The following CFLAR variants were observed in gnomAD, a reference collection of about 807,000 sequenced individuals.
CFLAR encodes the protein CASP8 and FADD-like apoptosis regulator.
CFLAR carries 14 observed loss-of-function variants against 51.1 expected under a neutral mutation model. That is an observed-to-expected ratio of 0.27 (90% CI 0.18 to 0.43). CFLAR has a LOEUF of 0.43. Among genes scored for constraint, CFLAR ranks in the 20% least tolerant of loss-of-function variants. CFLAR has a pLI of 1.00. For missense variants in CFLAR, 390 were observed against 566.5 expected (o/e 0.69, Z 3.16); for synonymous variants, 210 against 211.6 (o/e 0.99, Z 0.06).
intron 8 of CFLAR, among the ~76,000 whole-genome samples, chr2:201,158,734 A>G (rs1942588827): frequency 6.6e-6 from 1 of 152,014 alleles, no homozygotes; most frequent in Non-Finnish European, 1.5e-5. Context: ...TTTTTTTTAT[A>G]AAGGGTATAC....
intron 9 of CFLAR, among the ~76,000 whole-genome samples, chr2:201,162,096 A>G (rs551952899): frequency 2.0e-5 from 3 of 150,930 alleles, no homozygotes; most frequent in African/African-American, 7.3e-5. Flanking sequence ...ATGTAGAAGT[A>G]TATCTTTTTT....
intron 5 of CFLAR, among the ~76,000 whole-genome samples, chr2:201,143,061 A>T (rs1198890454): frequency 1.3e-5 from 2 of 152,196 alleles, no homozygotes; most frequent in African/African-American, 4.8e-5. Context: ...ATTCTTAGTT[A>T]AAAAACCTGC....
At chr2:201,147,114 A>G (rs1483705872) in intron 6 of CFLAR, among the ~76,000 whole-genome samples, 1 of 152,200 alleles carries the variant, frequency 6.6e-6, no homozygotes, top group Non-Finnish European at 1.5e-5. Flanking sequence ...CCTGATGGCA[A>G]TTTTATCCTT....
At chr2:201,133,994 G>A (rs2049720074) in intron 3 of CFLAR, among the ~76,000 whole-genome samples, 1 of 81,044 alleles carries the variant, frequency 1.2e-5, no homozygotes, top group Non-Finnish European at 2.7e-5. Flanking sequence ...TCTCGGGGAT[G>A]TCATGATTGC....
At chr2:201,142,152 T>C (rs1381286698) in intron 5 of CFLAR, among the ~76,000 whole-genome samples, 1 of 152,052 alleles carries the variant, frequency 6.6e-6, no homozygotes, top group African/African-American at 2.4e-5. Flanking sequence ...GGTGTGCCTT[T>C]AGTCTCAGCT....
At chr2:201,137,345 C>A in intron 4 of CFLAR, 1 of 337,212 alleles carries the variant, frequency 3.0e-6, no homozygotes. Flanking sequence ...GCAGGGGATG[C>A]CCAGCAAGGG....
rs1463100063 is a variant in CFLAR at position 201,160,547 on chromosome 2, A to C, written c.909A>C (p.Arg303=). Residue 303 remains arginine, a synonymous_variant, in exon 9 of 10, where the codon CGA becomes CGC. Coordinates refer to ENST00000309955, the MANE Select transcript of CFLAR (RefSeq NM_003879.7). ...LGQFACMPEH[R]DYDSFVCVLV... is the part of the protein sequence containing the mutation. ...AATTTGCCTGTATGCCCGAGCACCG[A>C]GACTACGACAGCTTTGTGTGTGTCC... is the stretch of plus-strand genomic sequence containing the variant. 1.2e-6 allele frequency: 2 copies of C among 1,613,870 alleles called. No homozygotes were observed. Among genetic ancestry groups the C allele is most frequent in the Non-Finnish European group, 1.7e-6 (2 of 1,180,016 alleles).
intron 4 of CFLAR, chr2:201,139,912 C>G (rs1249686922): frequency 6.2e-6 from 1 of 161,242 alleles, no homozygotes; most frequent in Non-Finnish European, 1.4e-5. Flanking sequence ...TTCCAAGTCT[C>G]TCGTTCCACC....
rs767709813 is a variant in CFLAR, at chr2:201,149,064, A to G, written c.711+12A>G. 2 of 1,578,814 alleles carry G rather than the reference A, an allele frequency of 1.3e-6. No homozygotes were observed. Among genetic ancestry groups the G allele is most frequent in the Non-Finnish European group, 1.7e-6 (2 of 1,147,876 alleles). On this transcript the variant is annotated intron_variant, in intron 7 of 9. Transcript: ENST00000309955. ...CTTTTTTGCCTCAGGTACAGAATAA[A>G]TGATCTGATTTGGTATTATATGTAC...
Position 201,118,095 on chromosome 2 carries a change from A to G in CFLAR, c.-138+1614A>G, listed in dbSNP as rs2125573674. On this transcript the variant is annotated intron_variant, in intron 1 of 9. Coordinates refer to ENST00000309955, the MANE Select transcript of CFLAR (RefSeq NM_003879.7). This position sits in a 1 kb window ranked among gnomAD's most constrained non-coding sequence, Gnocchi z 5.1. ...AACAAAAAAGACTGGGTTGAAAGGG[A>G]GTTTTTAATGTTTACTGTTTGCTTT... 6.6e-6 allele frequency among the ~76,000 whole-genome samples: 1 copy of G among 152,238 alleles called. No homozygotes were observed. The highest frequency in any genetic ancestry group is 1.9e-4 in the East Asian group (1 of 5,184).
chr2:201,125,587 G>A (rs570741995), intron 1 of CFLAR, among the ~76,000 whole-genome samples: 1 of 152,176 alleles, frequency 6.6e-6, no homozygotes, highest in East Asian at 1.9e-4. Flanking sequence ...CAGTGGAAAG[G>A]TGGAAGGTGG....
intron 5 of CFLAR, among the ~76,000 whole-genome samples, chr2:201,142,305 T>C (rs1559213354): frequency 6.6e-6 from 1 of 150,950 alleles, no homozygotes; most frequent in Non-Finnish European, 1.5e-5. Context: ...TATATATATA[T>C]ATAAATGCTT....
rs1279223583 is a variant in CFLAR, at chr2:201,118,804, A to T, written c.-138+2323A>T. 6.6e-6 allele frequency: 1 copy of T among 152,010 alleles called. No individual in the cohort carries two copies. Among genetic ancestry groups the T allele is most frequent in the South Asian group, 2.1e-4 (1 of 4,808 alleles). 9.4% of individuals were successfully genotyped at this position (152,010 alleles called of 1,614,324 possible). On this transcript the variant is annotated intron_variant, in intron 1 of 9. Transcript: ENST00000309955. The surrounding 1 kb of genome is among the most constrained non-coding windows in gnomAD (Gnocchi z 5.1). ...CCTCGTCCCATCTGGAGCATTTCCA[A>T]TTCTGGTTTTGCGGAGCAGCAGGTC...
intron 1 of CFLAR, among the ~76,000 whole-genome samples, chr2:201,121,995 A>T (rs557480987): frequency 6.6e-6 from 1 of 152,358 alleles, no homozygotes; most frequent in African/African-American, 2.4e-5. Context: ...GATGGTTTAG[A>T]TACCTAAAAA....
At chr2:201,144,072 A>G (rs942579506) in intron 5 of CFLAR, 1 of 152,256 alleles carries the variant, frequency 6.6e-6, no homozygotes, top group Admixed American at 6.5e-5. Flanking sequence ...CATGCGGCCA[A>G]TTTCTATCTG....
chr2:201,158,219 G>A (rs1942495286), intron 8 of CFLAR, among the ~76,000 whole-genome samples: 1 of 152,186 alleles, frequency 6.6e-6, no homozygotes, highest in African/African-American at 2.4e-5. Context: ...TTCCAAGGCT[G>A]GTTCCTCTTT....
Position 201,172,368 on chromosome 2 carries a change from G to A in CFLAR, c.*8395G>A, listed in dbSNP as rs1469620338. ...TATATTGGAAGTGTAAGTAGTTTGTGGCATGGGATTGTGACATATCCTAGG... is the reference window on the plus strand; with the variant it reads ...TATATTGGAAGTGTAAGTAGTTTGTAGCATGGGATTGTGACATATCCTAGG... On this transcript the variant is annotated 3_prime_UTR_variant, in exon 10 of 10. Transcript: ENST00000309955. 1 of 152,134 alleles carries A rather than the reference G, an allele frequency of 6.6e-6. No individual in the cohort carries two copies. Among genetic ancestry groups the A allele is most frequent in the African/African-American group, 2.4e-5 (1 of 41,432 alleles). The allele number at this position is 152,134 out of a possible 1,614,324, so 9.4% of individuals were successfully genotyped here. A position where few individuals can be genotyped will look rare whatever the true frequency, so the allele number is the denominator to read the frequency against.
In CFLAR at chr2:201,138,090, T is replaced by A; in HGVS notation, c.523+1983T>A. ...GATGTAGATGGAGCCGCGCAGTCCA[T>A]GCCCCTGCCCAGCCCATCCACACCA... On this transcript the variant is annotated intron_variant, in intron 4 of 9. Coordinates refer to ENST00000309955, the MANE Select transcript of CFLAR (RefSeq NM_003879.7). The surrounding 1 kb of genome is among the most constrained non-coding windows in gnomAD (Gnocchi z 4.0). 1 of 744,236 alleles carries A rather than the reference T, an allele frequency of 1.3e-6. No homozygotes were observed. Among genetic ancestry groups the A allele is most frequent in the Non-Finnish European group, 2.5e-6 (1 of 400,338 alleles). 46.1% of individuals were successfully genotyped at this position (744,236 alleles called of 1,614,324 possible).
chr2:201,141,650 T>G, intron 5 of CFLAR: 1 of 1,275,022 alleles, frequency 7.8e-7, no homozygotes, highest in Non-Finnish European at 9.9e-7. Context: ...GCAAAAGTTA[T>G]TTTGTTATTG....
Sources: allele counts gnomAD v4.1 joint callset (sites outside exome capture counted in the v4.1 genomes callset), GRCh38; gene constraint gnomAD v4.1.1; non-coding constraint Gnocchi (gnomAD v3.1); transcripts MANE v1.5; gene names NCBI Gene and HGNC (gene_info 2026-07-23, HGNC 2026-07-21).